The following TMEM178B variants were observed in gnomAD, a reference collection of about 807,000 sequenced individuals.
TMEM178B encodes transmembrane protein 178B.
TMEM178B carries 5 observed loss-of-function variants against 31.0 expected under a neutral mutation model. That is an observed-to-expected ratio of 0.16 (90% CI 0.08 to 0.34). The LOEUF (loss-of-function observed/expected upper bound fraction) is 0.34. TMEM178B is among the 10% of genes least tolerant of loss of function. The probability of loss-of-function intolerance (pLI) is 1.00; values close to 1 mark genes in which losing one functional copy is unlikely to be tolerated. For missense variants in TMEM178B, 275 were observed against 400.3 expected, an observed-to-expected ratio of 0.69 and a Z score of 2.67; for synonymous variants, 164 against 164.0, an observed-to-expected ratio of 1.00 and a Z score of 0.00.
At chr7:141,295,020 C>T (rs1798607400) in intron 2 of TMEM178B, among the ~76,000 whole-genome samples, 1 of 152,178 alleles carries the variant, frequency 6.6e-6, no homozygotes, top group Non-Finnish European at 1.5e-5. Context: ...AGAGAAGCTG[C>T]TTGGGGCTTG....
intron 3 of TMEM178B, among the ~76,000 whole-genome samples, chr7:141,439,252 C>T (rs1801612161): frequency 6.6e-6 from 1 of 152,164 alleles, no homozygotes; most frequent in African/African-American, 2.4e-5. Flanking sequence ...GGAAAAATCA[C>T]TCAGGGCTAA....
At chr7:141,211,498 A>C (rs887881556) in intron 1 of TMEM178B, among the ~76,000 whole-genome samples, 1 of 152,240 alleles carries the variant, frequency 6.6e-6, no homozygotes, top group Non-Finnish European at 1.5e-5. Context: ...GGGGTGCAAA[A>C]TGGATTACCA....
chr7:141,141,558 T>C (rs1248676489), intron 1 of TMEM178B, among the ~76,000 whole-genome samples: 1 of 152,242 alleles, frequency 6.6e-6, no homozygotes, highest in Non-Finnish European at 1.5e-5. Flanking sequence ...ATTTATTATC[T>C]GTCTCCCCAC....
chr7:141,492,502 C>T, the TMEM178B span, among the ~76,000 whole-genome samples: 2 of 152,172 alleles, frequency 1.3e-5, no homozygotes, highest in Non-Finnish European at 2.9e-5. Context: ...CAATGCCTGG[C>T]ACATACTGGC....
intron 2 of TMEM178B, among the ~76,000 whole-genome samples, chr7:141,387,916 G>A (rs1800463176): frequency 6.6e-6 from 1 of 152,188 alleles, no homozygotes; most frequent in African/African-American, 2.4e-5. Flanking sequence ...TTTCCCGCAG[G>A]CAGCCCACTC....
At chr7:141,433,560 G>A (rs747365126) in intron 2 of TMEM178B, among the ~76,000 whole-genome samples, 7 of 152,182 alleles carry the variant, frequency 4.6e-5, no homozygotes, top group Non-Finnish European at 8.8e-5. Flanking sequence ...GGTTTAGGAG[G>A]AGGAAATGCT....
chr7:141,090,628 G>A (rs1794866421), intron 1 of TMEM178B, among the ~76,000 whole-genome samples: 1 of 152,094 alleles, frequency 6.6e-6, no homozygotes, highest in South Asian at 2.1e-4. Context: ...AAAATGAGTG[G>A]GTCAGTGATG....
At chr7:141,403,159 C>T (rs1026335601) in intron 2 of TMEM178B, among the ~76,000 whole-genome samples, 23 of 152,328 alleles carry the variant, frequency 1.5e-4, no homozygotes, top group South Asian at 8.3e-4. Flanking sequence ...TATCTCACCC[C>T]TGGCCTTCCT....
Position 141,436,861 on chromosome 7 carries a change from C to G in TMEM178B, c.497-747C>G, listed in dbSNP as rs534820023. Among the ~76,000 whole-genome samples the G allele has an allele frequency of 9.2e-5, 14 of 152,260 alleles. No individual in the cohort carries two copies. In the South Asian group the frequency reaches 2.5e-3, roughly 27 times the overall value. On this transcript the variant is annotated intron_variant, in intron 2 of 3. Transcript: ENST00000565468. ...GCTGATGGGTTAGCCAGGCGTGGAA[C>G]AGAGAAGGGCCTGACTCAGAAAGCG...
intron 2 of TMEM178B, among the ~76,000 whole-genome samples, chr7:141,335,623 A>G (rs1799371651): frequency 6.6e-6 from 1 of 152,044 alleles, no homozygotes; most frequent in South Asian, 2.1e-4. Flanking sequence ...ACAGTTTGGG[A>G]TTACTATTTT....
intron 1 of TMEM178B, among the ~76,000 whole-genome samples, chr7:141,154,773 A>G (rs1796039019): frequency 6.7e-6 from 1 of 149,058 alleles, no homozygotes; most frequent in African/African-American, 2.5e-5. Context: ...TCTGTTGCCC[A>G]GGCTGGAGTG....
At chr7:141,346,710 G>T (rs1030350019) in intron 2 of TMEM178B, among the ~76,000 whole-genome samples, 1 of 152,026 alleles carries the variant, frequency 6.6e-6, no homozygotes, top group Non-Finnish European at 1.5e-5. Flanking sequence ...AGAGAAGAAA[G>T]AAAGAGCCAC....
In TMEM178B at chr7:141,171,639, T is replaced by C. The variant is rs530465980; in HGVS notation, c.383-40952T>C. Among the ~76,000 whole-genome samples the C allele has an allele frequency of 1.3e-5, 2 of 152,270 alleles. No homozygotes were observed. Among genetic ancestry groups the C allele is most frequent in the East Asian group, 1.9e-4 (1 of 5,172 alleles). On this transcript the variant is annotated intron_variant, in intron 1 of 3. Transcript: ENST00000565468. The surrounding 1 kb of genome is among the most constrained non-coding windows in gnomAD (Gnocchi z 4.3). The stretch of plus-strand genomic sequence containing the variant: ...ATGACACTGTCTTCTGAGTGATGCA[T>C]GCAAATTCCAGACAGAGGGGATGGC...
At chr7:141,317,870 G>T (rs1199289609) in intron 2 of TMEM178B, among the ~76,000 whole-genome samples, 1 of 152,142 alleles carries the variant, frequency 6.6e-6, no homozygotes, top group African/African-American at 2.4e-5. Context: ...GAAGTAAATT[G>T]TAACTGCGAT....
At chr7:141,211,165 G>C (rs1365919516) in intron 1 of TMEM178B, among the ~76,000 whole-genome samples, 1 of 152,150 alleles carries the variant, frequency 6.6e-6, no homozygotes, top group Non-Finnish European at 1.5e-5. Context: ...TGTGCTTAGG[G>C]GGAATGCTGG....
At chr7:141,146,873 G>C (rs144433643) in intron 1 of TMEM178B, among the ~76,000 whole-genome samples, 5 of 152,254 alleles carry the variant, frequency 3.3e-5, no homozygotes, top group Admixed American at 2.6e-4. Flanking sequence ...CTGTGTCTGC[G>C]CATGAGGATT....
At chr7:141,256,565 A>G (rs914995881) in intron 2 of TMEM178B, among the ~76,000 whole-genome samples, 1 of 152,188 alleles carries the variant, frequency 6.6e-6, no homozygotes, top group African/African-American at 2.4e-5. Flanking sequence ...CTACAGCAAG[A>G]TGAGCCTCTG....
At chr7:141,203,869 G>A (rs546410892) in intron 1 of TMEM178B, among the ~76,000 whole-genome samples, 1 of 152,300 alleles carries the variant, frequency 6.6e-6, no homozygotes, top group African/African-American at 2.4e-5. Context: ...TGGGATGGAG[G>A]AAACACACGG....
chr7:141,470,282 GAC>G (rs1802215796), intron 3 of TMEM178B, among the ~76,000 whole-genome samples: 2 of 152,092 alleles, frequency 1.3e-5, no homozygotes, highest in African/African-American at 4.8e-5. Context: ...CCAAAGGAGA[GAC>G]TTCCCGAGTG....
Sources: gnomAD v4.1 joint callset for allele counts (sites outside exome capture counted in the v4.1 genomes callset) on GRCh38, gnomAD v4.1.1 for gene constraint, Gnocchi (gnomAD v3.1) non-coding constraint, MANE v1.5 for transcripts, NCBI Gene and HGNC (gene_info 2026-07-23, HGNC 2026-07-21) for gene names.